The following RAB11FIP3 variants were observed in gnomAD, a reference collection of about 807,000 sequenced individuals.
The protein encoded by RAB11FIP3 is rab11 family-interacting protein 3.
In RAB11FIP3, 17 loss-of-function variants were observed where a neutral mutation model predicts 77.8. The observed-to-expected ratio is 0.22, with a 90% CI of 0.15 to 0.33. The LOEUF (loss-of-function observed/expected upper bound fraction) is 0.33, where lower values mean the gene tolerates loss of function less well. Ranked by LOEUF, RAB11FIP3 falls within the 10% of genes least tolerant of loss-of-function variation. The pLI is 1.00. For synonymous variants in RAB11FIP3, 437 were observed against 448.2 expected (o/e 0.98, Z 0.31); for missense variants, 1,005 against 1,011.2 (o/e 0.99, Z 0.08).
Position 522,103 on chromosome 16 carries a change from G to A in RAB11FIP3, c.*1264G>A, listed in dbSNP as rs1195312711. 1 of 150,194 alleles carries A rather than the reference G, an allele frequency of 6.7e-6. No homozygotes were observed. Among genetic ancestry groups the A allele is most frequent in the Admixed American group, 6.6e-5 (1 of 15,166 alleles). The allele number at this position is 150,194 out of a possible 1,614,324, so 9.3% of individuals were successfully genotyped here. A position where few individuals can be genotyped will look rare whatever the true frequency, so the allele number is the denominator to read the frequency against. On this transcript the variant is annotated 3_prime_UTR_variant, in exon 14 of 14. Coordinates refer to ENST00000262305, the MANE Select transcript of RAB11FIP3 (RefSeq NM_014700.4). ...AGGATGTAAGAGGTCGCCTCCTATTGTACATTTGGGGAAAGCCTTGGGTGT... is the reference window on the plus strand; with the variant it reads ...AGGATGTAAGAGGTCGCCTCCTATTATACATTTGGGGAAAGCCTTGGGTGT...
At chr16:460,405 C>T (rs1159332763) in intron 1 of RAB11FIP3, among the ~76,000 whole-genome samples, 2 of 152,062 alleles carry the variant, frequency 1.3e-5, no homozygotes, top group African/African-American at 2.4e-5. Flanking sequence ...TTTGCTGCAC[C>T]TGTCAGCCCA....
intron 6 of RAB11FIP3, chr16:502,721 G>T: frequency 2.0e-6 from 1 of 511,166 alleles, no homozygotes; most frequent in Non-Finnish European, 3.4e-6. Flanking sequence ...CGCTGGCTGG[G>T]ACTGAGGTCA....
chr16:519,732 G>C (rs1489137495), intron 10 of RAB11FIP3, 22 bp from the exon 11 acceptor site: 9 of 1,609,646 alleles, frequency 5.6e-6, no homozygotes, highest in Non-Finnish European at 8.5e-7. Context: ...CCCGCATCCA[G>C]GGCAGGTGTC....
chr16:489,026 C>A (rs1429707864), intron 5 of RAB11FIP3, 26 bp downstream of exon 5: 1 of 1,603,056 alleles, frequency 6.2e-7, no homozygotes, highest in Admixed American at 1.7e-5. Context: ...TCCAGCACAC[C>A]CTCCTCCCTC....
intron 8 of RAB11FIP3, among the ~76,000 whole-genome samples, chr16:508,927 A>G (rs908263163): frequency 2.7e-5 from 4 of 147,284 alleles, no homozygotes; most frequent in Non-Finnish European, 6.0e-5. Flanking sequence ...TTTTTGAGAC[A>G]GAGTCTCACT....
chr16:490,343 T>A (rs7193952), intron 5 of RAB11FIP3, among the ~76,000 whole-genome samples: 97 of 152,056 alleles, frequency 6.4e-4, no homozygotes, highest in African/African-American at 2.2e-3. Context: ...CCACAAAATC[T>A]AACACTGAGT....
intron 5 of RAB11FIP3, among the ~76,000 whole-genome samples, chr16:489,609 C>T (rs930361193): frequency 5.3e-5 from 8 of 152,170 alleles, no homozygotes; most frequent in African/African-American, 2.4e-5. Context: ...CTGGGCTGGC[C>T]GATGGGGTTG....
Position 426,207 on chromosome 16 carries a change from G to A in RAB11FIP3, c.201G>A (p.Gly67=). 1 of 1,019,662 alleles carries A rather than the reference G, an allele frequency of 9.8e-7. No individual in the cohort carries two copies. The highest frequency in any genetic ancestry group is 1.2e-6 in the Non-Finnish European group (1 of 854,474). 63.2% of individuals were successfully genotyped at this position (1,019,662 alleles called of 1,614,324 possible). The stretch of plus-strand genomic sequence containing the variant: ...CGCCCGGGGCCGCTGCAGATGGCGG[G>A]GCGCGTTGGAGCGCCGGGCCGGCCC... ...EPAPGAAADG[G]ARWSAGPAPG... is the part of the protein sequence containing the mutation. The change falls in exon 1 of 14, where the codon GGG becomes GGA. Residue 67 remains glycine (G), a synonymous_variant. Coordinates refer to ENST00000262305, the MANE Select transcript of RAB11FIP3 (RefSeq NM_014700.4). This position sits in a 1 kb window ranked among gnomAD's most constrained non-coding sequence, Gnocchi z 5.0.
At chr16:439,153 C>G (rs759611889) in intron 1 of RAB11FIP3, 1 of 152,210 alleles carries the variant, frequency 6.6e-6, no homozygotes, top group African/African-American at 2.4e-5. Flanking sequence ...ACTTGGCTTT[C>G]AAAAGTTCTT....
intron 5 of RAB11FIP3, among the ~76,000 whole-genome samples, chr16:495,674 G>A (rs994084463): frequency 6.6e-6 from 1 of 152,198 alleles, no homozygotes; most frequent in African/African-American, 2.4e-5. Context: ...TTTCTACAGG[G>A]CAAGTAAAAA....
At chr16:433,425 T>C (rs1219248413) in intron 1 of RAB11FIP3, among the ~76,000 whole-genome samples, 1 of 151,678 alleles carries the variant, frequency 6.6e-6, no homozygotes, top group African/African-American at 2.4e-5. Flanking sequence ...GATCCACTTT[T>C]CTAGCTCCCA....
rs1324028287 is a variant in RAB11FIP3, at chr16:514,154, G to A, written c.1640+3354G>A. On this transcript the variant is annotated intron_variant, in intron 9 of 13. Coordinates refer to ENST00000262305, the MANE Select transcript of RAB11FIP3 (RefSeq NM_014700.4). This position sits in a 1 kb window ranked among gnomAD's most constrained non-coding sequence, Gnocchi z 4.6. The stretch of plus-strand genomic sequence containing the variant: ...CTAAGCGCTTGGGGTCAGTGCCACC[G>A]TGTTCTGGGCCTCCTGCAGCTTCCT... 3.3e-5 allele frequency among the ~76,000 whole-genome samples: 5 copies of A among 152,074 alleles called. No homozygotes were observed. In the South Asian group the frequency reaches 6.2e-4, roughly 19 times the overall value.
intron 2 of RAB11FIP3, among the ~76,000 whole-genome samples, chr16:465,415 C>T (rs1273962630): frequency 6.6e-6 from 1 of 152,042 alleles, no homozygotes; most frequent in African/African-American, 2.4e-5. Flanking sequence ...TTTTACATAG[C>T]CATAATAGTT....
chr16:491,223 G>A (rs1301150110), intron 5 of RAB11FIP3: 7 of 1,304,842 alleles, frequency 5.4e-6, no homozygotes, highest in African/African-American at 1.5e-5. Flanking sequence ...CAAATCAACC[G>A]CCTTGAGGAT....
chr16:441,210 G>A (rs554910922), intron 1 of RAB11FIP3, among the ~76,000 whole-genome samples: 158 of 152,300 alleles, frequency 1.0e-3, no homozygotes, highest in African/African-American at 3.6e-3. Flanking sequence ...GCAGAGTGCT[G>A]GGATTATAGG....
At chr16:518,587 T>C (rs536005578) in intron 9 of RAB11FIP3, among the ~76,000 whole-genome samples, 1 of 149,406 alleles carries the variant, frequency 6.7e-6, no homozygotes, top group African/African-American at 2.6e-5. Flanking sequence ...TAGCCGGGCG[T>C]GGTGGCAGGC....
At chr16:467,834 C>G (rs375250506) in intron 2 of RAB11FIP3, among the ~76,000 whole-genome samples, 3 of 43,418 alleles carry the variant, frequency 6.9e-5, no homozygotes, top group East Asian at 6.7e-4. Flanking sequence ...GTGCAGGGGC[C>G]TCAGGGAGGA....
chr16:511,687 C>T (rs575132123), intron 9 of RAB11FIP3, among the ~76,000 whole-genome samples: 14 of 97,974 alleles, frequency 1.4e-4, no homozygotes, highest in African/African-American at 2.3e-4. Context: ...GAGAGGTTCC[C>T]GACAGCCCGC....
chr16:515,962 C>T (rs886304306), intron 9 of RAB11FIP3, among the ~76,000 whole-genome samples: 1 of 152,200 alleles, frequency 6.6e-6, no homozygotes, highest in Non-Finnish European at 1.5e-5. Context: ...GTGGCACCAC[C>T]GAGCGCCCGG....
Sources: gnomAD v4.1 joint callset for allele counts (sites outside exome capture counted in the v4.1 genomes callset) on GRCh38, gnomAD v4.1.1 for gene constraint, Gnocchi (gnomAD v3.1) non-coding constraint, MANE v1.5 for transcripts, NCBI Gene and HGNC (gene_info 2026-07-23, HGNC 2026-07-21) for gene names.